Variants in SLCO1A2 observed in about 807,000 individuals in gnomAD.
SLCO1A2 encodes OATP-1.
In SLCO1A2, 67 loss-of-function variants were observed where a neutral mutation model predicts 69.0. The ratio of observed to expected loss-of-function variants is 0.97; its 90% CI spans 0.80 to 1.19. The LOEUF is 1.19. Ranked by LOEUF, SLCO1A2 falls within the 50% of genes most tolerant of loss-of-function variation. The probability of loss-of-function intolerance (pLI) is 0.00; values close to 1 mark genes in which losing one functional copy is unlikely to be tolerated. For missense variants in SLCO1A2, 787 were observed against 793.7 expected (o/e 0.99, Z 0.10); for synonymous variants, 260 against 265.9 (o/e 0.98, Z 0.22).
At chr12:21,383,296 A>G (rs4762701) in intron 1 of SLCO1A2, among the ~76,000 whole-genome samples, 19,165 of 152,138 alleles carry the variant, frequency 0.13, 1,271 homozygotes, top group Non-Finnish European at 0.14. Context: ...GTATACAACT[A>G]AGAACATTTT....
chr12:21,267,172 G>A lies in SLCO1A2; in HGVS notation c.*2376C>T, dbSNP rs778067949. 2.6e-5 allele frequency: 4 copies of A among 152,100 alleles called. No individual in the cohort carries two copies. The highest frequency in any genetic ancestry group is 1.3e-4 in the Admixed American group (2 of 15,226). 9.4% of individuals were successfully genotyped at this position (152,100 alleles called of 1,614,324 possible). ...CTGACCTGCTTTCTCCCACCAAGAA[G>A]TGTCAAAGGAGAACCCTATGTTTTC... On this transcript the variant is annotated 3_prime_UTR_variant, in exon 15 of 15. Transcript: ENST00000683939.
chr12:21,319,651 G>A, intron 2 of SLCO1A2: 1 of 365,910 alleles, frequency 2.7e-6, no homozygotes. Flanking sequence ...GAACCTTGGA[G>A]AATCAGCTCA....
At chr12:21,337,431 A>G (rs1056583384), upstream of SLCO1A2, among the ~76,000 whole-genome samples, 1 of 151,972 alleles carries the variant, frequency 6.6e-6, no homozygotes, top group Non-Finnish European at 1.5e-5. Context: ...TTAATTTTAC[A>G]TTATTCTCTA....
chr12:21,391,999 A>G lies in SLCO1A2; in HGVS notation c.-190+2907T>C, dbSNP rs566842912. Among the ~76,000 whole-genome samples the G allele has an allele frequency of 3.3e-5, 5 of 152,288 alleles. No individual in the cohort carries two copies. The South Asian group carries it at 8.3e-4, about 25-fold the overall frequency. On this transcript the variant is annotated intron_variant, in intron 1 of 15. Transcript: ENST00000307378. ...TCTATCTCCTCTAGAGTTGAAATTT[A>G]AAGGGGAAGAGTTAATGAAGGAAGA... is the stretch of plus-strand genomic sequence containing the variant.
intron 1 of SLCO1A2, among the ~76,000 whole-genome samples, chr12:21,384,287 A>G (rs1455870854): frequency 6.6e-6 from 1 of 152,238 alleles, no homozygotes; most frequent in Non-Finnish European, 1.5e-5. Context: ...AAAGGAAAAT[A>G]GAATAATGAA....
chr12:21,308,757 C>T (rs934534638), intron 4 of SLCO1A2, among the ~76,000 whole-genome samples: 5 of 152,156 alleles, frequency 3.3e-5, no homozygotes, highest in Non-Finnish European at 4.4e-5. Flanking sequence ...GAGCCATGTG[C>T]GAAACAGCCA....
intron 1 of SLCO1A2, among the ~76,000 whole-genome samples, chr12:21,374,747 T>G (rs17680758): frequency 0.055 from 8,443 of 152,302 alleles, 331 homozygotes; most frequent in Non-Finnish European, 0.084. Context: ...ATCTTGATAC[T>G]TTCTTTCAAT....
At chr12:21,299,789 TAC>T (rs770148625) in intron 8 of SLCO1A2, among the ~76,000 whole-genome samples, 22,300 of 117,118 alleles carry the variant, frequency 0.19, 2,465 homozygotes, top group Non-Finnish European at 0.25. Context: ...TATATATATA[TAC>T]ACACACACGT....
chr12:21,283,189 CA>C (rs1360138014), intron 12 of SLCO1A2, among the ~76,000 whole-genome samples: 1 of 151,932 alleles, frequency 6.6e-6, no homozygotes, highest in Non-Finnish European at 1.5e-5. Context: ...CTATAGTAAC[CA>C]AAACAGCATG....
At chr12:21,351,762 G>C (rs1476324975) in intron 2 of SLCO1A2, among the ~76,000 whole-genome samples, 5 of 147,798 alleles carry the variant, frequency 3.4e-5, no homozygotes, top group African/African-American at 1.2e-4. Context: ...TGGGCAACAA[G>C]AGCAAAATTC....
chr12:21,295,856 T>G, intron 9 of SLCO1A2, 64 bp from the exon 10 acceptor site: 1 of 867,540 alleles, frequency 1.2e-6, no homozygotes, highest in Admixed American at 2.4e-5. Flanking sequence ...ATGTTATCAC[T>G]TTTATGTAAT....
intron 12 of SLCO1A2, among the ~76,000 whole-genome samples, chr12:21,277,541 T>A (rs1944100807): frequency 1.3e-5 from 2 of 152,056 alleles, no homozygotes; most frequent in Admixed American, 1.3e-4. Context: ...GAATTCTGTC[T>A]TGCATCTTAG....
intron 4 of SLCO1A2, among the ~76,000 whole-genome samples, chr12:21,310,141 A>G (rs967337128): frequency 6.6e-6 from 1 of 152,248 alleles, no homozygotes; most frequent in Non-Finnish European, 1.5e-5. Context: ...ATGATTTTAT[A>G]GTAGGAATTC....
At chr12:21,307,945 C>T (rs1949637727) in intron 4 of SLCO1A2, among the ~76,000 whole-genome samples, 1 of 152,146 alleles carries the variant, frequency 6.6e-6, no homozygotes, top group Admixed American at 6.6e-5. Context: ...TAGACAAAGG[C>T]TTCTGTCTCC....
At chr12:21,418,098 T>A (rs560356790), upstream of SLCO1A2, 1 of 152,278 alleles carries the variant, frequency 6.6e-6, no homozygotes, top group African/African-American at 2.4e-5. Context: ...ATACTAGGAT[T>A]TGGATACTAC....
intron 6 of SLCO1A2, among the ~76,000 whole-genome samples, 195 bp downstream of exon 6, chr12:21,304,232 G>C (rs1053411932): frequency 6.6e-6 from 1 of 152,164 alleles, no homozygotes. Context: ...GTAGAAAGTA[G>C]ATTTATTAAC....
intron 2 of SLCO1A2, among the ~76,000 whole-genome samples, chr12:21,352,757 A>C (rs559760264): frequency 2.6e-5 from 4 of 152,286 alleles, no homozygotes; most frequent in African/African-American, 9.6e-5. Context: ...AAACTAAAAA[A>C]TGTTTTTTCC....
chr12:21,319,552 A>C (rs1951333941), intron 2 of SLCO1A2: 25 of 1,023,020 alleles, frequency 2.4e-5, no homozygotes, highest in Non-Finnish European at 3.4e-5. Context: ...ATATAAGCCC[A>C]GGACAGAGTA....
At chr12:21,347,548 G>A (rs1953297538) in intron 2 of SLCO1A2, among the ~76,000 whole-genome samples, 1 of 152,090 alleles carries the variant, frequency 6.6e-6, no homozygotes, top group South Asian at 2.1e-4. Flanking sequence ...CAGAGGCTGA[G>A]ACAGGAGAAT....
Sources: allele counts gnomAD v4.1 joint callset (sites outside exome capture counted in the v4.1 genomes callset), GRCh38; gene constraint gnomAD v4.1.1; transcripts MANE v1.5; gene names NCBI Gene and HGNC (gene_info 2026-07-23, HGNC 2026-07-21).